ZNF251: variants seen among roughly 807,000 people sequenced by gnomAD.
The protein encoded by ZNF251 is zinc finger protein 251.
In ZNF251, 14 loss-of-function variants were observed where a neutral mutation model predicts 13.5. The ratio of observed to expected loss-of-function variants is 1.04; its 90% confidence interval spans 0.69 to 1.63. The LOEUF is 1.63. Among genes scored for constraint, ZNF251 ranks in the 40% most tolerant of loss-of-function variants. The pLI is 0.00. For missense variants in ZNF251, 764 were observed against 834.9 expected (o/e 0.92, Z 1.05); for synonymous variants, 287 against 295.2 (o/e 0.97, Z 0.28).
At position 144,723,273 on chromosome 8, in the gene ZNF251, C is replaced by T. The variant is rs1823423912; in HGVS notation, c.387G>A (p.Gln129=). 1 of 1,611,964 alleles carries T rather than the reference C, an allele frequency of 6.2e-7. No homozygotes were observed. ...CCCATGCTTCCCGAAACTCAGCGGC[C>T]TGTGCATTATCCCTTAAGAGTCTTC... ...VSRRLLRDNA[Q]AAEFREAWGR... Residue 129 remains glutamine, a synonymous_variant, in exon 5 of 5, where the codon CAG becomes CAA. Transcript: ENST00000292562.
At chr8:144,752,271 G>A (rs1824735505) in intron 4 of ZNF251, among the ~76,000 whole-genome samples, 1 of 151,888 alleles carries the variant, frequency 6.6e-6, no homozygotes, top group Non-Finnish European at 1.5e-5. Context: ...CGTGGTATTT[G>A]TACTGGGAGA....
intron 4 of ZNF251, among the ~76,000 whole-genome samples, chr8:144,753,098 C>T (rs1411685275): frequency 2.0e-5 from 3 of 151,452 alleles, no homozygotes; most frequent in Admixed American, 6.6e-5. Flanking sequence ...CGTGGTGAAA[C>T]CTTGTCTCAA....
At position 144,723,148 on chromosome 8, in the gene ZNF251, C is replaced by A; in HGVS notation, c.512G>T (p.Gly171Val). The change falls in exon 5 of 5, where the codon GGC becomes GTC. Residue 171 changes from glycine (G) to valine (V), a missense_variant. Transcript: ENST00000292562. Reference sequence around the variant, plus strand: ...TCTTTCTCCCAAAGATCTTTCCCTGCCCACGGTAGCTTCTGTTAAAACTCT... The same window carrying A: ...TCTTTCTCCCAAAGATCTTTCCCTGACCACGGTAGCTTCTGTTAAAACTCT... ...HKRVLTEATV[G>V]RERSLGERTQ... 6.2e-7 allele frequency: 1 copy of A among 1,612,964 alleles called. No individual in the cohort carries two copies. Among genetic ancestry groups the A allele is most frequent in the Middle Eastern group, 1.7e-4 (1 of 6,058 alleles).
intron 4 of ZNF251, among the ~76,000 whole-genome samples, chr8:144,738,005 G>A (rs117065327): frequency 0.017 from 2,554 of 152,090 alleles, 57 homozygotes; most frequent in Admixed American, 0.071. Context: ...GGTCTTTGAC[G>A]GACACATTTA....
chr8:144,738,712 T>C, intron 4 of ZNF251: 1 of 985,104 alleles, frequency 1.0e-6, no homozygotes, highest in Non-Finnish European at 1.2e-6. Context: ...GGCACCTGTT[T>C]GTGGAAACAG....
Position 144,723,401 on chromosome 8 carries a change from A to G in ZNF251, c.278-19T>C. On this transcript the variant is annotated intron_variant, in intron 4 of 4. Transcript: ENST00000292562. ...TCAGAATCTGTTAAAGAAAAATATAAATGAGTTACTAGAGAAAACCTTCCA... is the reference window on the plus strand; with the variant it reads ...TCAGAATCTGTTAAAGAAAAATATAGATGAGTTACTAGAGAAAACCTTCCA... 7.0e-7 allele frequency: 1 copy of G among 1,429,060 alleles called. No individual in the cohort carries two copies. The highest frequency in any genetic ancestry group is 2.4e-5 in the East Asian group (1 of 41,550). The allele number at this position is 1,429,060 out of a possible 1,614,324, so 88.5% of individuals were successfully genotyped here.
chr8:144,735,303 C>T (rs1008143679), intron 4 of ZNF251, among the ~76,000 whole-genome samples: 1 of 148,112 alleles, frequency 6.8e-6, no homozygotes, highest in Admixed American at 6.8e-5. Flanking sequence ...GGGAGAATTG[C>T]TTGAACCCAG....
rs541811334 is a variant in ZNF251 at position 144,732,578 on chromosome 8, C to T, written c.278-9196G>A. Among the ~76,000 whole-genome samples, 1,086 of 150,258 alleles carry T rather than the reference C, an allele frequency of 7.2e-3. 5 individuals are homozygous for T. The highest frequency in any genetic ancestry group is 0.011 in the Non-Finnish European group (720 of 67,450). On this transcript the variant is annotated intron_variant, in intron 4 of 4. Transcript: ENST00000292562. ...CTGTAATCCCAGCACTTGGGGAGGCCAAGGCGGGGGAATCACGAGGTCAGG... is the reference window on the plus strand; with the variant it reads ...CTGTAATCCCAGCACTTGGGGAGGCTAAGGCGGGGGAATCACGAGGTCAGG...
rs1823369726 is a variant in ZNF251 at position 144,721,432 on chromosome 8, G to A, written c.*212C>T. 2.1e-6 allele frequency: 1 copy of A among 474,718 alleles called. No individual in the cohort carries two copies. Among genetic ancestry groups the A allele is most frequent in the African/African-American group, 2.0e-5 (1 of 50,136 alleles). The allele number at this position is 474,718 out of a possible 1,614,324, so 29.4% of individuals were successfully genotyped here. On this transcript the variant is annotated 3_prime_UTR_variant, in exon 5 of 5. Coordinates refer to ENST00000292562, the MANE Select transcript of ZNF251 (RefSeq NM_138367.2). ...TACAGCACCACACGGTTCAACTCCT[G>A]AGCACAGCAGTAACCTTTACACAGA...
chr8:144,737,959 GT>G (rs1299610441), intron 4 of ZNF251, among the ~76,000 whole-genome samples: 3 of 151,454 alleles, frequency 2.0e-5, no homozygotes, highest in African/African-American at 7.3e-5. Flanking sequence ...CCTATTAATC[GT>G]TAAACATAAA....
chr8:144,748,113 G>A (rs1382787081), intron 4 of ZNF251, among the ~76,000 whole-genome samples: 1 of 151,216 alleles, frequency 6.6e-6, no homozygotes, highest in African/African-American at 2.4e-5. Context: ...TCACTCTGTC[G>A]CCCAGGCTGC....
At chr8:144,755,252 T>C in intron 1 of ZNF251, 153 bp downstream of exon 1, 1 of 346,206 alleles carries the variant, frequency 2.9e-6, no homozygotes, top group Non-Finnish European at 5.4e-6. Context: ...CGCGCCGCGG[T>C]CGCCTCCTCC....
At position 144,754,804 on chromosome 8, in the gene ZNF251, C is replaced by T. The variant is rs1824880382; in HGVS notation, c.-75-1G>A. ...TGGCCTGAAGTCTCCCCGAACTTAC[C>T]TTCAGTGGGGAGAACTCAGGCTCAG... On this transcript the variant is annotated splice_acceptor_variant, in intron 1 of 4. Transcript: ENST00000292562. LOFTEE classifies it low-confidence loss of function (5UTR_SPLICE). 6.4e-7 allele frequency: 1 copy of T among 1,568,818 alleles called. No homozygotes were observed. The highest frequency in any genetic ancestry group is 8.6e-7 in the Non-Finnish European group (1 of 1,157,888).
At chr8:144,744,040 G>T (rs1824298341) in intron 4 of ZNF251, among the ~76,000 whole-genome samples, 1 of 119,656 alleles carries the variant, frequency 8.4e-6, no homozygotes. Flanking sequence ...TGGAGATGGA[G>T]TCTCACTCTG....
intron 4 of ZNF251, among the ~76,000 whole-genome samples, chr8:144,736,058 C>T (rs1429776833): frequency 2.0e-5 from 3 of 152,186 alleles, no homozygotes; most frequent in East Asian, 3.8e-4. Flanking sequence ...CCTCATGGGC[C>T]CCCACGCTGG....
intron 4 of ZNF251, among the ~76,000 whole-genome samples, chr8:144,747,151 A>G (rs900220415): frequency 6.6e-5 from 10 of 151,588 alleles, no homozygotes; most frequent in Admixed American, 4.6e-4. Flanking sequence ...AAATTTTGGT[A>G]AGTTTTATTT....
At position 144,720,924 on chromosome 8, in the gene ZNF251, A is replaced by C. The variant is rs1823358397; in HGVS notation, c.*720T>G. On this transcript the variant is annotated 3_prime_UTR_variant, in exon 5 of 5. Coordinates refer to ENST00000292562, the MANE Select transcript of ZNF251 (RefSeq NM_138367.2). ...CAAAGAACTATACACTAAAAAGAGT[A>C]AATTTTATTGTTTATAAATTATGCT... 6.6e-6 allele frequency: 1 copy of C among 152,224 alleles called. No homozygotes were observed. The highest frequency in any genetic ancestry group is 1.5e-5 in the Non-Finnish European group (1 of 68,044). 9.4% of individuals were successfully genotyped at this position (152,224 alleles called of 1,614,324 possible).
At chr8:144,738,137 G>A (rs970391636) in intron 4 of ZNF251, among the ~76,000 whole-genome samples, 2 of 152,012 alleles carry the variant, frequency 1.3e-5, no homozygotes, top group African/African-American at 2.4e-5. Context: ...GCCCTCACCC[G>A]GCCCAGCAGG....
At chr8:144,739,308 C>T (rs183103819) in intron 4 of ZNF251, among the ~76,000 whole-genome samples, 84 of 150,500 alleles carry the variant, frequency 5.6e-4, no homozygotes, top group African/African-American at 2.0e-3. Context: ...ACTCCACCTC[C>T]CCAAACTAGG....
Sources: gnomAD v4.1 joint callset for allele counts (sites outside exome capture counted in the v4.1 genomes callset) on GRCh38, gnomAD v4.1.1 for gene constraint, MANE v1.5 for transcripts, NCBI Gene and HGNC (gene_info 2026-07-23, HGNC 2026-07-21) for gene names.